The following FLG variants were observed in gnomAD, a reference collection of about 807,000 sequenced individuals.
The protein encoded by FLG is filaggrin.
Under a neutral mutation model 3.8 loss-of-function variants are expected in FLG, and 6 were observed. That is an observed-to-expected ratio of 1.60 (90% CI 0.87 to 3.15). FLG has a LOEUF of 3.15. FLG is among the 30% of genes most tolerant of loss of function. The pLI is 0.00. For missense variants in FLG, 7,595 were observed against 5,050.9 expected (o/e 1.50, Z -15.27); for synonymous variants, 2,551 against 1,931.6 (o/e 1.32, Z -8.41).
chr1:152,308,290 G>T lies in FLG; in HGVS notation c.6596C>A (p.Ser2199Ter). The T allele has an allele frequency of 6.2e-7, 1 of 1,613,644 alleles. No homozygotes were observed. The highest frequency in any genetic ancestry group is 8.5e-7 in the Non-Finnish European group (1 of 1,179,684). The change falls in exon 3 of 3, where the codon TCA (serine) becomes TAA (stop). Residue 2199 changes from serine (S) to a stop codon, truncating the protein, a stop_gained. Transcript: ENST00000368799. LOFTEE classifies it low-confidence loss of function (END_TRUNC). ...CCCTGAGTGCCTAGAGCCATCTCCT[G>T]ATTGTTCCTTGTCATATGTTTTTCT... is the stretch of plus-strand genomic sequence containing the variant. ...ASRKTYDKEQ[S>*]GDGSRHSGSH... is the part of the protein sequence containing the mutation.
At position 152,309,342 on chromosome 1, in the gene FLG, G is replaced by C; in HGVS notation, c.5544C>G (p.Ser1848=). ...CACGGGAGACATCAGACCTTTCCTG[G>C]GACGTGGTGTGGCTGTGATGAGACC... ...HSGSHHSHTT[S]QERSDVSRGQ... The change falls in exon 3 of 3, where the codon TCC becomes TCG. Residue 1848 remains serine (S), a synonymous_variant. Transcript: ENST00000368799. 6.2e-7 allele frequency: 1 copy of C among 1,613,726 alleles called. No homozygotes were observed. Among genetic ancestry groups the C allele is most frequent in the South Asian group, 1.1e-5 (1 of 91,068 alleles).
In FLG at chr1:152,309,462, C is replaced by A. The variant is rs766148590; in HGVS notation, c.5424G>T (p.Glu1808Asp). 7 of 1,612,754 alleles carry A rather than the reference C, an allele frequency of 4.3e-6. No homozygotes were observed. The highest frequency in any genetic ancestry group is 5.9e-6 in the Non-Finnish European group (7 of 1,179,788). The change falls in exon 3 of 3, where the codon GAG (glutamate) becomes GAT (aspartate). Residue 1808 changes from glutamate (E) to aspartate (D), a missense_variant. Physicochemically the swap from Glu to Asp is conservative, Grantham distance 45. Transcript: ENST00000368799. ...GGTGTCCACGAATGGTGTCCTGACC[C>A]TCTTGGGACGCTGAGTGCCTGGAGC... Reference protein sequence around the residue: ...RDSSRHSASQEGQDTIRGHPG... With the variant: ...RDSSRHSASQDGQDTIRGHPG...
Position 152,311,226 on chromosome 1 carries a change from A to C in FLG, c.3660T>G (p.Thr1220=). The change falls in exon 3 of 3, where the codon ACT becomes ACG. Residue 1220 remains threonine, a synonymous_variant. Transcript: ENST00000368799. ...CGTCTCCTGATTGTTTGTCCTTACG[A>C]GTTTGTCTGCTTGCACTTCTGGATC... ...QSGSRSASRQ[T]RKDKQSGDGS... is the part of the protein sequence containing the mutation. 1 of 1,612,156 alleles carries C rather than the reference A, an allele frequency of 6.2e-7. No individual in the cohort carries two copies. The highest frequency in any genetic ancestry group is 8.5e-7 in the Non-Finnish European group (1 of 1,179,546).
In FLG at chr1:152,311,200, C is replaced by A. The variant is rs1279136653; in HGVS notation, c.3686G>T (p.Gly1229Val). ...QTRKDKQSGD[G>V]SRHSGSRHHE... ...GTGACGTGACCCTGAGTGCCTGGAG[C>A]CGTCTCCTGATTGTTTGTCCTTACG... The change falls in exon 3 of 3, where the codon GGC becomes GTC. Residue 1229 changes from glycine to valine, a missense_variant. Coordinates refer to ENST00000368799, the MANE Select transcript of FLG (RefSeq NM_002016.2). 1 of 1,613,778 alleles carries A rather than the reference C, an allele frequency of 6.2e-7. No homozygotes were observed. Among genetic ancestry groups the A allele is most frequent in the Admixed American group, 1.7e-5 (1 of 59,978 alleles).
Position 152,303,222 on chromosome 1 carries a change from A to G in FLG, c.11664T>C (p.His3888=). 5 of 1,614,016 alleles carry G rather than the reference A, an allele frequency of 3.1e-6. No homozygotes were observed. Among genetic ancestry groups the G allele is most frequent in the Non-Finnish European group, 4.2e-6 (5 of 1,180,016 alleles). Residue 3888 remains histidine (H), a synonymous_variant, in exon 3 of 3, where the codon CAT becomes CAC. Coordinates refer to ENST00000368799, the MANE Select transcript of FLG (RefSeq NM_002016.2). ...CTCTTGACTGCTCCCGAGAAGATCC[A>G]TGATGGTTTCTGGAAGCAGACTCAG... ...RRSESASRNH[H]GSSREQSRDG...
rs765626862 is a variant in FLG, at chr1:152,313,290, G to A, written c.1596C>T (p.His532=). ...SSRGGRQGSH[H]EQSVNRSGHS... is the part of the protein sequence containing the mutation. ...GTCCAGACCTATTTACCGATTGCTC[G>A]TGGTGGGATCCCTGCCTTCCTCCTC... Residue 532 remains histidine, a synonymous_variant, in exon 3 of 3, where the codon CAC becomes CAT. Coordinates refer to ENST00000368799, the MANE Select transcript of FLG (RefSeq NM_002016.2). 142 of 1,613,686 alleles carry A rather than the reference G, an allele frequency of 8.8e-5. No homozygotes were observed. The highest frequency in any genetic ancestry group is 1.1e-4 in the Non-Finnish European group (129 of 1,179,984).
intron 1 of FLG, among the ~76,000 whole-genome samples, chr1:152,323,658 G>A (rs1197233397): frequency 2.6e-5 from 4 of 151,108 alleles, no homozygotes; most frequent in African/African-American, 7.3e-5. Context: ...AAATATTGGT[G>A]AGAATGTGGA....
chr1:152,309,677 G>T lies in FLG; in HGVS notation c.5209C>A (p.His1737Asn), dbSNP rs766935733. ...TGCTGATGGGGCCCAGCCTGTCCGT[G>T]GGCTGACACTGACTGTGTGTCTGAC... ...EESDTQSVSAHGQAGPHQQSH... is the reference protein window; with the variant it reads ...EESDTQSVSANGQAGPHQQSH... The change falls in exon 3 of 3, where the codon CAC becomes AAC. Residue 1737 changes from histidine to asparagine, a missense_variant. His to Asn is a moderately conservative substitution (Grantham distance 68, BLOSUM62 1). Transcript: ENST00000368799. 1.2e-6 allele frequency: 2 copies of T among 1,613,776 alleles called. No individual in the cohort carries two copies. The highest frequency in any genetic ancestry group is 2.2e-5 in the South Asian group (2 of 91,054).
chr1:152,313,982 C>T lies in FLG; in HGVS notation c.904G>A (p.Asp302Asn), dbSNP rs567082495. The change falls in exon 3 of 3, where the codon GAC (aspartate) becomes AAC (asparagine). Residue 302 changes from aspartate to asparagine, a missense_variant. Asp to Asn is a conservative substitution (Grantham distance 23). Coordinates refer to ENST00000368799, the MANE Select transcript of FLG (RefSeq NM_002016.2). ...GAGTCTTCTGAGTGTCCCTCACTGT[C>T]CCTGTCCTGGCTAACTCTGGATCCC... ...RRGSRVSQDR[D>N]SEGHSEDSER... is the part of the protein sequence containing the mutation. 15 of 1,614,224 alleles carry T rather than the reference C, an allele frequency of 9.3e-6. No homozygotes were observed. Among genetic ancestry groups the T allele is most frequent in the Non-Finnish European group, 1.3e-5 (15 of 1,180,026 alleles).
rs200129570 is a variant in FLG, at chr1:152,309,957, A to T, written c.4929T>A (p.His1643Gln). 1 of 1,613,930 alleles carries T rather than the reference A, an allele frequency of 6.2e-7. No individual in the cohort carries two copies. The highest frequency in any genetic ancestry group is 1.1e-5 in the South Asian group (1 of 91,048). ...PRSHQEDRAS[H>Q]GHSAESSRQS... ...GTCTGGAGCTCTCTGCAGAGTGCCCATGACTGGCTCTATCTTCTTGATGGG... is the reference window on the plus strand; with the variant it reads ...GTCTGGAGCTCTCTGCAGAGTGCCCTTGACTGGCTCTATCTTCTTGATGGG... Residue 1643 changes from histidine to glutamine, a missense_variant, in exon 3 of 3, where the codon CAT becomes CAA. Coordinates refer to ENST00000368799, the MANE Select transcript of FLG (RefSeq NM_002016.2).
intron 2 of FLG, chr1:152,315,048 A>T: frequency 2.5e-6 from 1 of 406,056 alleles, no homozygotes; most frequent in Non-Finnish European, 4.3e-6. Flanking sequence ...AGTAATGTTG[A>T]TGTTTGGGAG....
Position 152,313,801 on chromosome 1 carries a change from T to G in FLG, c.1085A>C (p.Glu362Ala), listed in dbSNP as rs1182355034. The G allele has an allele frequency of 5.0e-6, 8 of 1,614,148 alleles. No homozygotes were observed. Among genetic ancestry groups the G allele is most frequent in the Middle Eastern group, 1.6e-4 (1 of 6,062 alleles). The change falls in exon 3 of 3, where the codon GAG (glutamate) becomes GCG (alanine). Residue 362 changes from glutamate (E) to alanine (A), a missense_variant. Glu to Ala is a moderately radical substitution (Grantham distance 107). Coordinates refer to ENST00000368799, the MANE Select transcript of FLG (RefSeq NM_002016.2). The stretch of plus-strand genomic sequence containing the variant: ...TGCAGTCTGTCCACGAGAGGAAGTC[T>G]CTGCGTGACGAGTGCCTGATTGTCT... ...SSRQSGTRHA[E>A]TSSRGQTASS... is the part of the protein sequence containing the mutation.
At position 152,312,787 on chromosome 1, in the gene FLG, G is replaced by A. The variant is rs780890368; in HGVS notation, c.2099C>T (p.Ala700Val). ...SGQAASSHEQ[A>V]RSSAGERHGS... Reference sequence around the variant, plus strand: ...ATGTCTTTCTCCTGCACTTGATCTTGCCTGTTCATGGGATGACGCAGCCTG... The same window carrying A: ...ATGTCTTTCTCCTGCACTTGATCTTACCTGTTCATGGGATGACGCAGCCTG... The change falls in exon 3 of 3, where the codon GCA (alanine) becomes GTA (valine). Residue 700 changes from alanine to valine, a missense_variant. By Grantham distance (64) the Ala-to-Val change is moderately conservative (BLOSUM62 0). Transcript: ENST00000368799. The A allele has an allele frequency of 1.9e-6, 3 of 1,614,002 alleles. No homozygotes were observed. The highest frequency in any genetic ancestry group is 2.5e-6 in the Non-Finnish European group (3 of 1,180,020).
Position 152,312,382 on chromosome 1 carries a change from T to G in FLG, c.2504A>C (p.Gln835Pro), listed in dbSNP as rs376730337. The part of the protein sequence containing the change: ...ARDNSRHSAS[Q>P]DGQDTIRGHP... ...TCCACGAATGGTGTCCTGACCATCT[T>G]GGGATGCTGAGTGCCTGGAGTTGTC... The change falls in exon 3 of 3, where the codon CAA becomes CCA. Residue 835 changes from glutamine (Q) to proline (P), a missense_variant. Physicochemically the swap from Gln to Pro is moderately conservative, Grantham distance 76. Coordinates refer to ENST00000368799, the MANE Select transcript of FLG (RefSeq NM_002016.2). 3.1e-6 allele frequency: 5 copies of G among 1,611,886 alleles called. No individual in the cohort carries two copies. The highest frequency in any genetic ancestry group is 2.5e-6 in the Non-Finnish European group (3 of 1,179,396).
At position 152,311,388 on chromosome 1, in the gene FLG, A is replaced by T; in HGVS notation, c.3498T>A (p.Arg1166=). The T allele has an allele frequency of 1.2e-6, 2 of 1,613,162 alleles. No individual in the cohort carries two copies. Among genetic ancestry groups the T allele is most frequent in the Non-Finnish European group, 1.7e-6 (2 of 1,179,824 alleles). Residue 1166 remains arginine, a synonymous_variant, in exon 3 of 3, where the codon CGT becomes CGA. Transcript: ENST00000368799. ...CTCCTCTCCTTGACCCCGGGTGTGC[A>T]CGAATGGTGTCCTGACCCTCTTGGG... ...SASQEGQDTI[R]AHPGSRRGGR... is the part of the protein sequence containing the mutation.
In FLG at chr1:152,313,426, GT is replaced by G. The variant is rs760299189; in HGVS notation, c.1459del (p.Thr487ProfsTer50). 1 of 1,613,860 alleles carries G rather than the reference GT, an allele frequency of 6.2e-7. No homozygotes were observed. The highest frequency in any genetic ancestry group is 8.5e-7 in the Non-Finnish European group (1 of 1,179,976). ...QPDSAHGRTG[T>X]STGGRQGSHH... is the part of the protein sequence containing the mutation. Reference sequence around the variant, plus strand: ...CGATCCTTGTCTTCCTCCAGTGCTGGTCCCGGTCCGTCCATGGGCAGAGTCA... The same window carrying G: ...CGATCCTTGTCTTCCTCCAGTGCTGGCCCGGTCCGTCCATGGGCAGAGTCA... On this transcript the variant is annotated frameshift_variant, in exon 3 of 3. Coordinates refer to ENST00000368799, the MANE Select transcript of FLG (RefSeq NM_002016.2). LOFTEE classifies it low-confidence loss of function (END_TRUNC).
rs1652217359 is a variant in FLG, at chr1:152,309,259, T to A, written c.5627A>T (p.Asp1876Val). ...ACGCGACCCTGAGTGCCTGGAGCCG[T>A]CTCCTGATTGTTTCTCATTACGTGT... ...RQTRNEKQSG[D>V]GSRHSGSRHH... The change falls in exon 3 of 3, where the codon GAC becomes GTC. Residue 1876 changes from aspartate (D) to valine (V), a missense_variant. Transcript: ENST00000368799. 1 of 1,613,526 alleles carries A rather than the reference T, an allele frequency of 6.2e-7. No individual in the cohort carries two copies. The highest frequency in any genetic ancestry group is 8.5e-7 in the Non-Finnish European group (1 of 1,179,956).
chr1:152,312,324 C>T lies in FLG; in HGVS notation c.2562G>A (p.Gly854=), dbSNP rs71625189. ...TATCTACCGATTGCTCGTGGTGGGACCCCTGCCTTCCTCTTCTGCTTGACC... is the reference window on the plus strand; with the variant it reads ...TATCTACCGATTGCTCGTGGTGGGATCCCTGCCTTCCTCTTCTGCTTGACC... The part of the protein sequence containing the change: ...HPGSSRRGRQ[G]SHHEQSVDRS... Residue 854 remains glycine (G), a synonymous_variant, in exon 3 of 3, where the codon GGG becomes GGA. Coordinates refer to ENST00000368799, the MANE Select transcript of FLG (RefSeq NM_002016.2). 12 of 1,612,674 alleles carry T rather than the reference C, an allele frequency of 7.4e-6. No individual in the cohort carries two copies. Among genetic ancestry groups the T allele is most frequent in the East Asian group, 6.7e-5 (3 of 44,758 alleles).
Position 152,304,136 on chromosome 1 carries a change from C to T in FLG, c.10750G>A (p.Asp3584Asn). The change falls in exon 3 of 3, where the codon GAC (aspartate) becomes AAC (asparagine). Residue 3584 changes from aspartate (D) to asparagine (N), a missense_variant. By Grantham distance (23) the Asp-to-Asn change is conservative. Transcript: ENST00000368799. ...GCAGAGTGCCCGTGACCGGCTCTGT[C>T]TTCGTGATGGGACGTGGGGTGTCTG... ...GSRHPTSHHE[D>N]RAGHGHSAES... is the part of the protein sequence containing the mutation. 1 of 1,593,632 alleles carries T rather than the reference C, an allele frequency of 6.3e-7. No homozygotes were observed. The highest frequency in any genetic ancestry group is 8.5e-7 in the Non-Finnish European group (1 of 1,171,798).
Sources: allele counts gnomAD v4.1 joint callset (sites outside exome capture counted in the v4.1 genomes callset), GRCh38; gene constraint gnomAD v4.1.1; transcripts MANE v1.5; gene names NCBI Gene and HGNC (gene_info 2026-07-23, HGNC 2026-07-21).